The following ENTPD6 variants were observed in gnomAD, a reference collection of about 807,000 sequenced individuals.
ENTPD6 encodes the protein ectonucleoside triphosphate diphosphohydrolase 6, also known as CD39 antigen-like 2.
Under a neutral mutation model 61.5 loss-of-function variants are expected in ENTPD6, and 46 were observed. That is an observed-to-expected ratio of 0.75 (90% CI 0.59 to 0.96). ENTPD6 has a LOEUF of 0.96. ENTPD6 is among the 40% of genes least tolerant of loss of function. ENTPD6 has a pLI of 0.00. For synonymous variants in ENTPD6, 252 were observed against 255.5 expected (o/e 0.99, Z 0.13); for missense variants, 612 against 629.0 (o/e 0.97, Z 0.29).
At chr20:25,211,979 T>G (rs1684759698) in intron 4 of ENTPD6, among the ~76,000 whole-genome samples, 1 of 152,284 alleles carries the variant, frequency 6.6e-6, no homozygotes, top group Non-Finnish European at 1.5e-5. Flanking sequence ...CAGCTAATGT[T>G]TAAATGTTTT....
Position 25,195,737 on chromosome 20 carries a change from TG to T in ENTPD6, c.-142del. Reference sequence around the variant, plus strand: ...GCGGAGCCCAGGCCCTAGGGAATCGTGGGGTCGTATCCCGCGGGTGGAGGCC... The same window carrying T: ...GCGGAGCCCAGGCCCTAGGGAATCGTGGGTCGTATCCCGCGGGTGGAGGCC... On this transcript the variant is annotated 5_prime_UTR_variant, in exon 1 of 15. Transcript: ENST00000376652. The T allele has an allele frequency of 1.4e-6, 1 of 717,762 alleles. No homozygotes were observed. 44.5% of individuals were successfully genotyped at this position (717,762 alleles called of 1,614,324 possible).
rs6050446 is a variant in ENTPD6, at chr20:25,214,873, A to G, written c.604A>G (p.Lys202Glu). ...CATCTCTCTTTACATTTAGGTGAAA[A>G]AAGTATTTAAAGCATCGCCTTTCCT... ...KAQKLLQKVK[K>E]VFKASPFLVG... The change falls in exon 6 of 15, where the codon AAA becomes GAA. Residue 202 changes from lysine to glutamate, a missense_variant. Coordinates refer to ENST00000376652, the MANE Select transcript of ENTPD6 (RefSeq NM_001247.5). 0.97 allele frequency: 1,494,168 copies of G among 1,532,612 alleles called. 728,494 individuals carry two copies. Among genetic ancestry groups the G allele is most frequent in the East Asian group, 1 (44,519 of 44,520 alleles). The allele number at this position is 1,532,612 out of a possible 1,614,324, so 94.9% of individuals were successfully genotyped here. A position where few individuals can be genotyped will look rare whatever the true frequency, so the allele number is the denominator to read the frequency against.
intron 1 of ENTPD6, chr20:25,197,278 A>G: frequency 1.0e-6 from 1 of 969,862 alleles, no homozygotes; most frequent in Non-Finnish European, 1.2e-6. Context: ...GGTAGCTCCT[A>G]CCACCAACAA....
rs2092686910 is a variant in ENTPD6, at chr20:25,222,930, T to C, written c.1138T>C (p.Tyr380His). 2 of 1,614,090 alleles carry C rather than the reference T, an allele frequency of 1.2e-6. No homozygotes were observed. Among genetic ancestry groups the C allele is most frequent in the Non-Finnish European group, 1.7e-6 (2 of 1,180,022 alleles). Reference sequence around the variant, plus strand: ...GGAGGAAGTGAAGCATGTGGACTTCTATGCTTTCTCCTACTATTACGACCT... The same window carrying C: ...GGAGGAAGTGAAGCATGTGGACTTCCATGCTTTCTCCTACTATTACGACCT... ...RTEEVKHVDF[Y>H]AFSYYYDLAA... The change falls in exon 12 of 15, where the codon TAT becomes CAT. Residue 380 changes from tyrosine (Y) to histidine (H), a missense_variant. Coordinates refer to ENST00000376652, the MANE Select transcript of ENTPD6 (RefSeq NM_001247.5).
At position 25,207,214 on chromosome 20, in the gene ENTPD6, G is replaced by T. The variant is rs1263044011; in HGVS notation, c.193G>T (p.Ala65Ser). Residue 65 changes from alanine to serine, a missense_variant, in exon 3 of 15, where the codon GCC becomes TCC. By Grantham distance (99) the Ala-to-Ser change is moderately conservative. Transcript: ENST00000376652. ...IYVAYIKWHR[A>S]TATQAFFSIT... is the part of the protein sequence containing the mutation. Reference sequence around the variant, plus strand: ...TGTTGCCTACATCAAGTGGCACCGGGCCACCGCCACCCAGGCCTTCTTCAG... The same window carrying T: ...TGTTGCCTACATCAAGTGGCACCGGTCCACCGCCACCCAGGCCTTCTTCAG... The T allele has an allele frequency of 6.2e-6, 10 of 1,613,986 alleles. No homozygotes were observed. Among genetic ancestry groups the T allele is most frequent in the Non-Finnish European group, 8.5e-6 (10 of 1,180,020 alleles).
At chr20:25,207,596 T>C (rs2091614608) in intron 3 of ENTPD6, among the ~76,000 whole-genome samples, 199 bp downstream of exon 3, 1 of 152,182 alleles carries the variant, frequency 6.6e-6, no homozygotes, top group South Asian at 2.1e-4. Flanking sequence ...GTGGTGACCA[T>C]GCTGAAGGGC....
chr20:25,222,767 A>G, intron 11 of ENTPD6, 71 bp from the exon 12 acceptor site: 1 of 1,576,178 alleles, frequency 6.3e-7, no homozygotes. Context: ...GTCCCCTGGG[A>G]GGGGCCCCAA....
chr20:25,212,866 C>G lies in ENTPD6; in HGVS notation c.454-397C>G, dbSNP rs375386053. On this transcript the variant is annotated intron_variant, in intron 4 of 14. Transcript: ENST00000376652. ...GACTATAGGCTCCCACCACCACGCC[C>G]GGCTAATTTTTTGTATTTTTAGTAG... 1.7e-4 allele frequency among the ~76,000 whole-genome samples: 26 copies of G among 152,256 alleles called. No homozygotes were observed. In the East Asian group the frequency reaches 4.5e-3, roughly 26 times the overall value.
chr20:25,209,546 C>T (rs2091802851), intron 3 of ENTPD6, among the ~76,000 whole-genome samples: 1 of 148,092 alleles, frequency 6.8e-6, no homozygotes, highest in Admixed American at 6.7e-5. Flanking sequence ...AGCAAGAGCC[C>T]TTCTCTTTAA....
At chr20:25,221,088 AG>A (rs1260709064) in intron 10 of ENTPD6, 143 bp from the exon 11 acceptor site, 1 of 623,678 alleles carries the variant, frequency 1.6e-6, no homozygotes, top group African/African-American at 1.8e-5. Flanking sequence ...CTTCCCAGGG[AG>A]GTGTTGCCTT....
chr20:25,208,104 T>G (rs1175347592), intron 3 of ENTPD6, among the ~76,000 whole-genome samples: 1 of 152,234 alleles, frequency 6.6e-6, no homozygotes, highest in Non-Finnish European at 1.5e-5. Context: ...GTCCCCTGGG[T>G]GTCCCATGCT....
intron 1 of ENTPD6, among the ~76,000 whole-genome samples, chr20:25,200,754 A>AT (rs1252438163): frequency 1.3e-5 from 2 of 151,036 alleles, no homozygotes; most frequent in Non-Finnish European, 1.5e-5. Context: ...AGTTTCATTT[A>AT]TTTTCTCTAT....
At chr20:25,217,477 CAT>C in intron 8 of ENTPD6, 23 bp from the exon 9 acceptor site, 1 of 1,607,518 alleles carries the variant, frequency 6.2e-7, no homozygotes, top group South Asian at 1.1e-5. Flanking sequence ...CAGCAGGAAA[CAT>C]AGTTACCCTC....
chr20:25,201,972 C>T (rs2091074843), intron 1 of ENTPD6, among the ~76,000 whole-genome samples: 2 of 152,140 alleles, frequency 1.3e-5, no homozygotes, highest in Admixed American at 1.3e-4. Context: ...CTCGCCTCCG[C>T]CTCCCAAACT....
rs1034733896 is a variant in ENTPD6 at position 25,216,663 on chromosome 20, C to T, written c.725C>T (p.Pro242Leu). The T allele has an allele frequency of 2.5e-6, 4 of 1,606,152 alleles. No homozygotes were observed. The highest frequency in any genetic ancestry group is 2.7e-5 in the African/African-American group (2 of 74,862). ...INFLTGSLKTPGGSSVGMLDL... is the reference protein window; with the variant it reads ...INFLTGSLKTLGGSSVGMLDL... ...TGTGCTCCAGGCAGCTTGAAAACTC[C>T]AGGAGGGAGCAGCGTGGGCATGCTG... is the stretch of plus-strand genomic sequence containing the variant. The change falls in exon 8 of 15, where the codon CCA becomes CTA. Residue 242 changes from proline to leucine, a missense_variant. Physicochemically the swap from Pro to Leu is moderately conservative, Grantham distance 98. Coordinates refer to ENST00000376652, the MANE Select transcript of ENTPD6 (RefSeq NM_001247.5).
intron 1 of ENTPD6, among the ~76,000 whole-genome samples, chr20:25,199,332 A>C (rs994206033): frequency 2.0e-5 from 3 of 152,188 alleles, no homozygotes; most frequent in Non-Finnish European, 4.4e-5. Flanking sequence ...GTAGGGCGTG[A>C]GTGTGATCAG....
chr20:25,225,458 T>G (rs1289120560), intron 14 of ENTPD6, 41 bp from the exon 15 acceptor site: 1 of 1,598,776 alleles, frequency 6.3e-7, no homozygotes, highest in South Asian at 1.1e-5. Flanking sequence ...AAGGCTTTCC[T>G]GTCTGTGTGA....
rs35880604 is a variant in ENTPD6 at position 25,209,115 on chromosome 20, A to AT, written c.377-722dup. Among the ~76,000 whole-genome samples, 51 of 132,192 alleles carry AT rather than the reference A, an allele frequency of 3.9e-4. 1 individual carries two copies. Among genetic ancestry groups the AT allele is most frequent in the South Asian group, 1.7e-3 (7 of 4,192 alleles). 86.7% of individuals were successfully genotyped at this position (132,192 alleles called of 152,430 possible). On this transcript the variant is annotated intron_variant, in intron 3 of 14. Coordinates refer to ENST00000376652, the MANE Select transcript of ENTPD6 (RefSeq NM_001247.5). ...TTTCTTTTTTATTTATTTTTATTTA[A>AT]TTTTTTTTTTTTGAGATGGAGTCTC... is the stretch of plus-strand genomic sequence containing the variant.
intron 10 of ENTPD6, 107 bp downstream of exon 10, chr20:25,218,721 G>T (rs757890828): frequency 2.1e-5 from 25 of 1,163,866 alleles, no homozygotes; most frequent in Non-Finnish European, 2.8e-5. Context: ...TGCAGGAGAG[G>T]TCCCTCTGCC....
Sources: gnomAD v4.1 joint callset for allele counts (sites outside exome capture counted in the v4.1 genomes callset) on GRCh38, gnomAD v4.1.1 for gene constraint, MANE v1.5 for transcripts, NCBI Gene and HGNC (gene_info 2026-07-23, HGNC 2026-07-21) for gene names.